Variants in SYNE1 observed in about 807,000 individuals in gnomAD.
SYNE1 encodes spectrin repeat containing nuclear envelope protein 1, also known as nesprin-1.
A neutral mutation model predicts 1,111.0 loss-of-function variants in SYNE1; 616 were observed. That is an observed-to-expected ratio of 0.55 (90% CI 0.52 to 0.59). The LOEUF (loss-of-function observed/expected upper bound fraction) is 0.59. SYNE1 is among the 20% of genes least tolerant of loss of function. The probability of loss-of-function intolerance (pLI) is 0.00; values close to 1 mark genes in which losing one functional copy is unlikely to be tolerated. For synonymous variants in SYNE1, 3,855 were observed against 3,825.8 expected, an observed-to-expected ratio of 1.01 and a Z score of -0.28; for missense variants, 10,006 against 10,417.0, an observed-to-expected ratio of 0.96 and a Z score of 1.72.
At chr6:152,448,801 C>T (rs902194853) in intron 28 of SYNE1, among the ~76,000 whole-genome samples, 1 of 152,076 alleles carries the variant, frequency 6.6e-6, no homozygotes, top group African/African-American at 2.4e-5. Context: ...ATGAAGGTGC[C>T]ACTGCACTCC....
At chr6:152,186,731 G>T (rs771619581) in intron 128 of SYNE1, among the ~76,000 whole-genome samples, 4 of 152,110 alleles carry the variant, frequency 2.6e-5, no homozygotes, top group Admixed American at 1.3e-4. Flanking sequence ...CTCTCTGAAG[G>T]CTTCACAGGC....
At chr6:152,476,193 T>A (rs899972706) in intron 14 of SYNE1, among the ~76,000 whole-genome samples, 1 of 152,292 alleles carries the variant, frequency 6.6e-6, no homozygotes, top group East Asian at 1.9e-4. Flanking sequence ...CTGAGCTCTC[T>A]TACCTATTGC....
At chr6:152,487,216 C>A (rs995314674) in intron 12 of SYNE1, among the ~76,000 whole-genome samples, 2 of 152,142 alleles carry the variant, frequency 1.3e-5, no homozygotes, top group African/African-American at 2.4e-5. Context: ...CCCACTCCCC[C>A]ACAGGCCCCA....
At chr6:152,298,276 A>G (rs959025932) in intron 93 of SYNE1, among the ~76,000 whole-genome samples, 11 of 152,208 alleles carry the variant, frequency 7.2e-5, no homozygotes, top group East Asian at 3.9e-4. Context: ...ACTCAGTGTG[A>G]GCTTTTAACT....
intron 4 of SYNE1, among the ~76,000 whole-genome samples, chr6:152,534,168 AT>A (rs1564693430): frequency 2.9e-4 from 43 of 146,642 alleles, no homozygotes; most frequent in African/African-American, 1.1e-3. Flanking sequence ...AAAAAAATAA[AT>A]AAATGAATGA....
chr6:152,535,979 T>A (rs1448488193), intron 4 of SYNE1, among the ~76,000 whole-genome samples: 6 of 152,104 alleles, frequency 3.9e-5, no homozygotes, highest in Non-Finnish European at 5.9e-5. Context: ...GGTCATTAGG[T>A]GAGAATTCCT....
At chr6:152,541,214 G>C (rs1269085487) in intron 3 of SYNE1, among the ~76,000 whole-genome samples, 1 of 152,176 alleles carries the variant, frequency 6.6e-6, no homozygotes, top group Non-Finnish European at 1.5e-5. Context: ...ATTGCTTTGG[G>C]CAGTATGGAT....
At position 152,424,318 on chromosome 6, in the gene SYNE1, C is replaced by T. The variant is rs190893226; in HGVS notation, c.5267+1063G>A. 1.4e-3 allele frequency among the ~76,000 whole-genome samples: 207 copies of T among 152,326 alleles called. 1 individual carries two copies. Among genetic ancestry groups the T allele is most frequent in the Middle Eastern group, 6.8e-3 (2 of 294 alleles). The stretch of plus-strand genomic sequence containing the variant: ...CTTATAAAATCTTCTACACATTATC[C>T]TTATATGCATACATTATATTTTCAA... On this transcript the variant is annotated intron_variant, in intron 39 of 145. Transcript: ENST00000367255.
intron 4 of SYNE1, among the ~76,000 whole-genome samples, chr6:152,531,058 G>A (rs769950793): frequency 6.6e-6 from 1 of 151,914 alleles, no homozygotes; most frequent in African/African-American, 2.4e-5. Flanking sequence ...AACTGCCTCG[G>A]TATCACAGTG....
At chr6:152,218,939 G>C in intron 120 of SYNE1, 64 bp downstream of exon 120, 1 of 1,517,844 alleles carries the variant, frequency 6.6e-7, no homozygotes, top group Non-Finnish European at 9.1e-7. Context: ...TTCTTTTTCT[G>C]TGTTTGTGCC....
intron 100 of SYNE1, among the ~76,000 whole-genome samples, chr6:152,262,594 G>C (rs1021690914): frequency 6.6e-6 from 1 of 152,078 alleles, no homozygotes; most frequent in Non-Finnish European, 1.5e-5. Context: ...GACACAGGAG[G>C]GTACAACAGG....
intron 41 of SYNE1, among the ~76,000 whole-genome samples, chr6:152,416,044 G>A (rs1007830303): frequency 1.3e-5 from 2 of 152,182 alleles, no homozygotes; most frequent in Non-Finnish European, 2.9e-5. Flanking sequence ...ACAGAATAAG[G>A]TTAATCCATG....
chr6:152,354,620 G>A, intron 67 of SYNE1, 39 bp downstream of exon 67: 1 of 1,609,008 alleles, frequency 6.2e-7, no homozygotes, highest in Non-Finnish European at 8.5e-7. Context: ...CAAGGTAACT[G>A]TAGCTTTGAC....
intron 42 of SYNE1, among the ~76,000 whole-genome samples, chr6:152,409,919 T>C (rs1345929366): frequency 2.0e-5 from 3 of 152,208 alleles, no homozygotes; most frequent in African/African-American, 7.2e-5. Context: ...ACGCAACCAC[T>C]GAAACAAAAT....
chr6:152,188,354 T>C (rs935404975), intron 128 of SYNE1, among the ~76,000 whole-genome samples: 1 of 152,214 alleles, frequency 6.6e-6, no homozygotes, highest in African/African-American at 2.4e-5. Context: ...GCCTAGGATG[T>C]CTTCTCGCTG....
chr6:152,525,337 C>T (rs2099158744), intron 5 of SYNE1, among the ~76,000 whole-genome samples: 1 of 152,078 alleles, frequency 6.6e-6, no homozygotes, highest in South Asian at 2.1e-4. Context: ...CAATTTTGGA[C>T]TCTGTGTCTA....
chr6:152,437,324 A>T (rs1012635899), intron 32 of SYNE1, among the ~76,000 whole-genome samples: 1 of 152,218 alleles, frequency 6.6e-6, no homozygotes, highest in African/African-American at 2.4e-5. Flanking sequence ...AGAATCCAGG[A>T]TCACTAGTTG....
intron 131 of SYNE1, among the ~76,000 whole-genome samples, chr6:152,163,316 T>C (rs1200692118): frequency 6.6e-6 from 1 of 152,138 alleles, no homozygotes; most frequent in East Asian, 1.9e-4. Context: ...TTGGCCATCA[T>C]GGCGAAACTC....
Position 152,461,699 on chromosome 6 carries a change from C to A in SYNE1, c.2292G>T (p.Lys764Asn). The A allele has an allele frequency of 6.2e-7, 1 of 1,613,946 alleles. No individual in the cohort carries two copies. The highest frequency in any genetic ancestry group is 8.5e-7 in the Non-Finnish European group (1 of 1,179,938). Reference protein sequence around the residue: ...QRVPVMDAQYKIITKTAHLIT... With the variant: ...QRVPVMDAQYNIITKTAHLIT... ...TGAGGTGTGCTGTCTTTGTAATTAT[C>A]TTGTATTGGGCATCCATCACAGGCA... Residue 764 changes from lysine to asparagine, a missense_variant, in exon 21 of 146, where the codon AAG (lysine) becomes AAT (asparagine). Coordinates refer to ENST00000367255, the MANE Select transcript of SYNE1 (RefSeq NM_182961.4).
Sources: allele counts gnomAD v4.1 joint callset (sites outside exome capture counted in the v4.1 genomes callset), GRCh38; gene constraint gnomAD v4.1.1; transcripts MANE v1.5; gene names NCBI Gene and HGNC (gene_info 2026-07-23, HGNC 2026-07-21).